Variants in CTNNA3 observed in about 807,000 individuals in gnomAD.
CTNNA3 encodes the protein catenin alpha-3.
CTNNA3 carries 76 observed loss-of-function variants against 95.7 expected under a neutral mutation model. That is an observed-to-expected ratio of 0.79 (90% CI 0.66 to 0.96). The LOEUF (loss-of-function observed/expected upper bound fraction) is 0.96. CTNNA3 is among the 40% of genes least tolerant of loss of function. The pLI is 0.00. For synonymous variants in CTNNA3, 431 were observed against 374.4 expected, an observed-to-expected ratio of 1.15 and a Z score of -1.74; for missense variants, 1,191 against 1,089.8, an observed-to-expected ratio of 1.09 and a Z score of -1.31.
chr10:66,499,913 C>T (rs1036049490), intron 11 of CTNNA3, among the ~76,000 whole-genome samples: 4 of 151,722 alleles, frequency 2.6e-5, no homozygotes, highest in African/African-American at 9.7e-5. Context: ...AGCAATTCAC[C>T]TGCCTCAGCC....
At chr10:66,790,738 T>C (rs1178909848) in intron 7 of CTNNA3, among the ~76,000 whole-genome samples, 1 of 152,088 alleles carries the variant, frequency 6.6e-6, no homozygotes, top group East Asian at 1.9e-4. Context: ...ACAGTATTGG[T>C]CATTCCAACC....
At chr10:66,138,351 A>G (rs10822729) in intron 13 of CTNNA3, among the ~76,000 whole-genome samples, 25,593 of 152,164 alleles carry the variant, frequency 0.17, 2,423 homozygotes, top group Admixed American at 0.25. Context: ...ACAGATAACA[A>G]ACTTTGAATA....
chr10:66,461,814 A>ATTTT (rs35888450), intron 11 of CTNNA3, among the ~76,000 whole-genome samples: 1 of 140,166 alleles, frequency 7.1e-6, no homozygotes. Flanking sequence ...TATATCTCCA[A>ATTTT]TTTTTTTTTT....
intron 5 of CTNNA3, among the ~76,000 whole-genome samples, chr10:67,446,921 C>T (rs753837782): frequency 1.1e-4 from 17 of 152,058 alleles, no homozygotes; most frequent in Non-Finnish European, 1.6e-4. Flanking sequence ...CTGGCTAACA[C>T]GGTGAAACCC....
intron 5 of CTNNA3, among the ~76,000 whole-genome samples, chr10:67,233,001 A>T (rs1468836843): frequency 6.6e-6 from 1 of 152,236 alleles, no homozygotes; most frequent in Non-Finnish European, 1.5e-5. Flanking sequence ...GAGCACCCAG[A>T]TTCGTAAAGC....
chr10:66,043,857 G>T, intron 15 of CTNNA3, among the ~76,000 whole-genome samples: 1 of 152,084 alleles, frequency 6.6e-6, no homozygotes, highest in East Asian at 1.9e-4. Context: ...CTGAAATCTT[G>T]AATCTGCCTT....
rs746372067 is a variant in CTNNA3 at position 66,493,033 on chromosome 10, T to C, written c.1531+27584A>G. On this transcript the variant is annotated intron_variant, in intron 11 of 17. Coordinates refer to ENST00000433211, the MANE Select transcript of CTNNA3 (RefSeq NM_013266.4). The stretch of plus-strand genomic sequence containing the variant: ...AAAGAATTGAAAACTACTGTGAACA[T>C]ACCAAATTGAATTGAAAAGCACAGA... Among the ~76,000 whole-genome samples the C allele has an allele frequency of 3.3e-4, 51 of 152,250 alleles. No individual in the cohort carries two copies. In the Middle Eastern group the frequency reaches 0.017, roughly 51 times the overall value.
At chr10:67,411,012 A>C (rs1243972684) in intron 5 of CTNNA3, among the ~76,000 whole-genome samples, 1 of 152,128 alleles carries the variant, frequency 6.6e-6, no homozygotes, top group Non-Finnish European at 1.5e-5. Flanking sequence ...AAACTCATAG[A>C]AGCAGAGTAA....
intron 14 of CTNNA3, among the ~76,000 whole-genome samples, chr10:66,102,519 T>C (rs558797631): frequency 9.3e-4 from 141 of 152,330 alleles, no homozygotes; most frequent in African/African-American, 3.2e-3. Context: ...GGCACTGTGC[T>C]GTACTACGTG....
intron 13 of CTNNA3, among the ~76,000 whole-genome samples, chr10:66,183,391 G>A (rs549418292): frequency 8.9e-4 from 136 of 152,284 alleles, no homozygotes; most frequent in African/African-American, 3.2e-3. Context: ...TATCGTGAAG[G>A]TATAACTTTG....
chr10:66,239,260 T>G (rs1361325884), intron 13 of CTNNA3, among the ~76,000 whole-genome samples: 1 of 151,670 alleles, frequency 6.6e-6, no homozygotes, highest in Non-Finnish European at 1.5e-5. Flanking sequence ...AAAATATAAT[T>G]AATTAATTAA....
intron 7 of CTNNA3, among the ~76,000 whole-genome samples, chr10:67,074,247 G>A (rs1856619562): frequency 6.6e-6 from 1 of 150,844 alleles, no homozygotes; most frequent in African/African-American, 2.4e-5. Context: ...GGCCAGGATG[G>A]TCTTGATCTC....
chr10:67,355,833 T>G (rs190113137), intron 5 of CTNNA3, among the ~76,000 whole-genome samples: 75 of 152,130 alleles, frequency 4.9e-4, no homozygotes, highest in Admixed American at 1.5e-3. Flanking sequence ...CAATCTGTAT[T>G]AGGTCAGTAG....
chr10:67,707,953 T>C (rs1841087083), intron 1 of CTNNA3, among the ~76,000 whole-genome samples: 1 of 152,168 alleles, frequency 6.6e-6, no homozygotes, highest in African/African-American at 2.4e-5. Flanking sequence ...TTATGTATTA[T>C]AGTTACCACC....
At chr10:66,944,397 T>C (rs911681172) in intron 7 of CTNNA3, among the ~76,000 whole-genome samples, 11 of 152,104 alleles carry the variant, frequency 7.2e-5, no homozygotes, top group Admixed American at 2.0e-4. Flanking sequence ...TAATTCTAGT[T>C]CCCCGCTATT....
In CTNNA3 at chr10:66,224,000, T is replaced by A. The variant is rs112680249; in HGVS notation, c.1884+56470A>T. On this transcript the variant is annotated intron_variant, in intron 13 of 17. Transcript: ENST00000433211. ...TCACTTGAGCCCAGGAGTTCAGGAC[T>A]AGCTTGTGCAACACAGTGAGGCCCT... Among the ~76,000 whole-genome samples, 308 of 152,172 alleles carry A rather than the reference T, an allele frequency of 2.0e-3. 2 individuals carry two copies. Among genetic ancestry groups the A allele is most frequent in the African/African-American group, 7.2e-3 (300 of 41,508 alleles).
chr10:66,898,350 T>C (rs1247636234), intron 7 of CTNNA3, among the ~76,000 whole-genome samples: 2 of 137,874 alleles, frequency 1.5e-5, no homozygotes, highest in Non-Finnish European at 3.3e-5. Flanking sequence ...CTAAAATTCA[T>C]ATGGAACTAC....
intron 1 of CTNNA3, among the ~76,000 whole-genome samples, chr10:67,735,420 G>C (rs1173358101): frequency 6.6e-6 from 1 of 151,932 alleles, no homozygotes; most frequent in Non-Finnish European, 1.5e-5. Flanking sequence ...CATGATGACA[G>C]AACGGATATA....
chr10:65,947,076 T>G (rs1317588946), intron 17 of CTNNA3, among the ~76,000 whole-genome samples: 2 of 140,200 alleles, frequency 1.4e-5, no homozygotes, highest in Non-Finnish European at 3.0e-5. Context: ...AATGACAGCC[T>G]AAGTCTTTTG....
Sources: gnomAD v4.1 joint callset for allele counts (sites outside exome capture counted in the v4.1 genomes callset) on GRCh38, gnomAD v4.1.1 for gene constraint, MANE v1.5 for transcripts, NCBI Gene and HGNC (gene_info 2026-07-23, HGNC 2026-07-21) for gene names.